MSI2: variants seen among roughly 807,000 people sequenced by gnomAD.
MSI2 encodes RNA-binding protein Musashi homolog 2.
Under a neutral mutation model 45.6 loss-of-function variants are expected in MSI2, and 17 were observed. The ratio of observed to expected loss-of-function variants is 0.37; its 90% CI spans 0.26 to 0.56. The LOEUF (loss-of-function observed/expected upper bound fraction) is 0.56, where lower values mean the gene tolerates loss of function less well. Ranked by LOEUF, MSI2 falls within the 20% of genes least tolerant of loss-of-function variation. MSI2 has a pLI of 0.77. For missense variants in MSI2, 293 were observed against 444.2 expected (o/e 0.66, Z 3.06); for synonymous variants, 156 against 158.2 (o/e 0.99, Z 0.11).
intron 10 of MSI2, chr17:57,632,574 G>A (rs1164384838): frequency 4.7e-6 from 5 of 1,066,790 alleles, no homozygotes; most frequent in Non-Finnish European, 5.7e-6. Context: ...CATTGGAGTA[G>A]GAGGGGGTGG....
At chr17:57,272,749 T>C (rs1048109613) in intron 5 of MSI2, among the ~76,000 whole-genome samples, 1 of 152,194 alleles carries the variant, frequency 6.6e-6, no homozygotes, top group Non-Finnish European at 1.5e-5. Flanking sequence ...AGGAAGCTCG[T>C]ATTTTCATCC....
intron 5 of MSI2, among the ~76,000 whole-genome samples, chr17:57,325,405 A>C (rs1256745371): frequency 4.6e-5 from 7 of 152,224 alleles, no homozygotes; most frequent in Non-Finnish European, 8.8e-5. Context: ...TCAGTATGCA[A>C]TTCATCCATG....
intron 10 of MSI2, chr17:57,632,548 C>A: frequency 5.6e-6 from 6 of 1,066,954 alleles, no homozygotes; most frequent in Non-Finnish European, 6.8e-6. Flanking sequence ...GCTGGCCTGG[C>A]CTTGCCTGCT....
intron 7 of MSI2, among the ~76,000 whole-genome samples, chr17:57,576,861 G>T (rs1035163964): frequency 2.0e-5 from 3 of 151,944 alleles, no homozygotes; most frequent in African/African-American, 4.8e-5. Context: ...GAAGCCTGGG[G>T]TTTTTTTAGT....
chr17:57,419,864 G>T lies in MSI2; in HGVS notation c.405+18393G>T, dbSNP rs546607639. Among the ~76,000 whole-genome samples, 3 of 152,266 alleles carry T rather than the reference G, an allele frequency of 2.0e-5. No homozygotes were observed. In the South Asian group the frequency reaches 6.2e-4, roughly 32 times the overall value. ...GTCAGGACGCCGTGGACCCTGGCTG[G>T]GCCTGCTTCTGCCCCTGAGTCCGCA... is the stretch of plus-strand genomic sequence containing the variant. On this transcript the variant is annotated intron_variant, in intron 6 of 13. Coordinates refer to ENST00000284073, the MANE Select transcript of MSI2 (RefSeq NM_138962.4).
At chr17:57,394,874 G>A (rs902373632) in intron 5 of MSI2, among the ~76,000 whole-genome samples, 4 of 152,216 alleles carry the variant, frequency 2.6e-5, no homozygotes, top group African/African-American at 7.2e-5. Flanking sequence ...CGCTTCTCCC[G>A]AATAGATCTC....
At chr17:57,357,396 C>T (rs1020020170) in intron 5 of MSI2, among the ~76,000 whole-genome samples, 2 of 152,080 alleles carry the variant, frequency 1.3e-5, no homozygotes, top group Non-Finnish European at 2.9e-5. Context: ...GTAGAAGGGG[C>T]TGCTTAGAGC....
At chr17:57,272,077 A>G (rs1908427164) in intron 5 of MSI2, among the ~76,000 whole-genome samples, 1 of 152,186 alleles carries the variant, frequency 6.6e-6, no homozygotes, top group Non-Finnish European at 1.5e-5. Context: ...GCCAAGTAGC[A>G]GTTCCCATGA....
In MSI2 at chr17:57,280,843, T is replaced by A. The variant is rs868607981; in HGVS notation, c.312+18651T>A. On this transcript the variant is annotated intron_variant, in intron 5 of 13. Transcript: ENST00000284073. This position sits in a 1 kb window ranked among gnomAD's most constrained non-coding sequence, Gnocchi z 4.2. ...AAAAGCTAAGCACACATAAACATTT[T>A]AATCTTTTTCTTCTAAACCCTACTT... Among the ~76,000 whole-genome samples, 3 of 152,220 alleles carry A rather than the reference T, an allele frequency of 2.0e-5. No individual in the cohort carries two copies. Among genetic ancestry groups the A allele is most frequent in the Non-Finnish European group, 2.9e-5 (2 of 68,036 alleles).
chr17:57,438,673 G>C (rs1464099932), intron 6 of MSI2, among the ~76,000 whole-genome samples: 1 of 152,120 alleles, frequency 6.6e-6, no homozygotes, highest in Non-Finnish European at 1.5e-5. Context: ...TAAAAATACA[G>C]TATTTTAGGA....
rs141674067 is a variant in MSI2, at chr17:57,677,068, G to A, written c.*31+9G>A. The A allele has an allele frequency of 1.2e-4, 190 of 1,602,530 alleles. 4 individuals are homozygous for A. Among genetic ancestry groups the A allele is most frequent in the Admixed American group, 1.1e-3 (66 of 60,006 alleles). On this transcript the variant is annotated intron_variant, in intron 13 of 13. Coordinates refer to ENST00000284073, the MANE Select transcript of MSI2 (RefSeq NM_138962.4). The stretch of plus-strand genomic sequence containing the variant: ...TGCCATCTCACTCTGAGGTATTACC[G>A]TCTCTGCCATGTGTCTCTGCCCTGC...
intron 6 of MSI2, among the ~76,000 whole-genome samples, chr17:57,483,169 G>T (rs277072): frequency 1.1e-4 from 16 of 152,042 alleles, no homozygotes; most frequent in Non-Finnish European, 2.1e-4. Flanking sequence ...CTCTTGCATT[G>T]GTTGGAGTCT....
At chr17:57,351,414 C>T (rs1916023474) in intron 5 of MSI2, among the ~76,000 whole-genome samples, 1 of 152,172 alleles carries the variant, frequency 6.6e-6, no homozygotes, top group Non-Finnish European at 1.5e-5. Flanking sequence ...AATAAATACA[C>T]CATCTAAGCC....
chr17:57,262,026 C>A, intron 4 of MSI2, 125 bp from the exon 5 acceptor site: 1 of 978,362 alleles, frequency 1.0e-6, no homozygotes, highest in Non-Finnish European at 1.5e-6. Flanking sequence ...TTTTGAGTTG[C>A]CTGAGAAGTT....
chr17:57,268,766 C>T (rs949215723), intron 5 of MSI2, among the ~76,000 whole-genome samples: 7 of 151,984 alleles, frequency 4.6e-5, no homozygotes, highest in East Asian at 1.9e-4. Context: ...ATCTGGGAGG[C>T]GGAGGTTGCA....
chr17:57,641,874 G>T (rs570210703), intron 10 of MSI2, among the ~76,000 whole-genome samples: 1 of 152,212 alleles, frequency 6.6e-6, no homozygotes, highest in Non-Finnish European at 1.5e-5. Flanking sequence ...AGGGTAGCAA[G>T]GGCTGGCTTC....
At chr17:57,301,298 T>C (rs76914599) in intron 5 of MSI2, among the ~76,000 whole-genome samples, 7,015 of 152,266 alleles carry the variant, frequency 0.046, 348 homozygotes, top group East Asian at 0.18. Context: ...AAGAAGTAGG[T>C]TTCTTTAGAG....
At chr17:57,560,289 G>A (rs796143179) in intron 7 of MSI2, among the ~76,000 whole-genome samples, 10 of 152,270 alleles carry the variant, frequency 6.6e-5, no homozygotes, top group African/African-American at 2.2e-4. Flanking sequence ...CTGGGGTGGT[G>A]GAGGGGGAGA....
intron 6 of MSI2, among the ~76,000 whole-genome samples, chr17:57,517,546 G>A (rs888159559): frequency 6.6e-6 from 1 of 152,304 alleles, no homozygotes; most frequent in East Asian, 1.9e-4. Flanking sequence ...AGGAGTCTTG[G>A]AGAAGGGATT....
Sources: gnomAD v4.1 joint callset for allele counts (sites outside exome capture counted in the v4.1 genomes callset) on GRCh38, gnomAD v4.1.1 for gene constraint, Gnocchi (gnomAD v3.1) non-coding constraint, MANE v1.5 for transcripts, NCBI Gene and HGNC (gene_info 2026-07-23, HGNC 2026-07-21) for gene names.